LRRC20: variants seen among roughly 807,000 people sequenced by gnomAD.
The protein encoded by LRRC20 is leucine rich repeat containing 20.
In LRRC20, 11 loss-of-function variants were observed where a neutral mutation model predicts 14.4. That is an observed-to-expected ratio of 0.77 (90% CI 0.48 to 1.27). The LOEUF is 1.27. Ranked by LOEUF, LRRC20 falls within the 50% of genes most tolerant of loss-of-function variation. The probability of loss-of-function intolerance (pLI) is 0.00; values close to 1 mark genes in which losing one functional copy is unlikely to be tolerated. For missense variants in LRRC20, 219 were observed against 251.2 expected (o/e 0.87, Z 0.87); for synonymous variants, 121 against 107.3 (o/e 1.13, Z -0.79).
chr10:70,305,547 T>C (rs1841388333), intron 4 of LRRC20, among the ~76,000 whole-genome samples: 1 of 152,208 alleles, frequency 6.6e-6, no homozygotes, highest in South Asian at 2.1e-4. Flanking sequence ...ATGGGCCACG[T>C]TTTTATTCAA....
chr10:70,334,491 C>T (rs1354287867), intron 3 of LRRC20, among the ~76,000 whole-genome samples: 1 of 152,162 alleles, frequency 6.6e-6, no homozygotes. Flanking sequence ...CTTCCCAGAA[C>T]TCCAGAAAAT....
intron 2 of LRRC20, among the ~76,000 whole-genome samples, chr10:70,351,113 C>T (rs1230369397): frequency 6.6e-6 from 1 of 151,708 alleles, no homozygotes; most frequent in Non-Finnish European, 1.5e-5. Context: ...CCTAGGAAGT[C>T]AGGGCTGCAG....
intron 3 of LRRC20, among the ~76,000 whole-genome samples, chr10:70,329,857 G>A (rs186588877): frequency 1.0e-3 from 156 of 152,222 alleles, no homozygotes; most frequent in Middle Eastern, 6.8e-3. Context: ...GAGCCACCTC[G>A]CCCAGCCTAG....
chr10:70,331,049 C>A (rs557430375), intron 3 of LRRC20, among the ~76,000 whole-genome samples: 4 of 152,296 alleles, frequency 2.6e-5, no homozygotes, highest in African/African-American at 9.6e-5. Flanking sequence ...GGGTCCCCAT[C>A]CGTGAAGACG....
intron 2 of LRRC20, among the ~76,000 whole-genome samples, chr10:70,375,571 CAG>C (rs1189834031): frequency 1.3e-5 from 2 of 152,052 alleles, no homozygotes; most frequent in Non-Finnish European, 2.9e-5. Context: ...GACAGACAGA[CAG>C]ACACACACAC....
intron 3 of LRRC20, among the ~76,000 whole-genome samples, chr10:70,333,233 G>A (rs1842603801): frequency 6.6e-6 from 1 of 152,182 alleles, no homozygotes; most frequent in Non-Finnish European, 1.5e-5. Context: ...CGGTCCTGGT[G>A]TTCCAGGTGT....
intron 2 of LRRC20, among the ~76,000 whole-genome samples, chr10:70,346,215 C>T (rs1237691641): frequency 2.0e-5 from 3 of 151,994 alleles, no homozygotes; most frequent in South Asian, 4.2e-4. Flanking sequence ...CCAGCCTAGG[C>T]GACAGAATGA....
At chr10:70,329,037 A>G (rs542744606) in intron 3 of LRRC20, among the ~76,000 whole-genome samples, 4 of 152,350 alleles carry the variant, frequency 2.6e-5, no homozygotes, top group African/African-American at 9.6e-5. Flanking sequence ...GGTCAGTGCA[A>G]CTGTGACACA....
chr10:70,310,557 T>A (rs1841614886), intron 4 of LRRC20, among the ~76,000 whole-genome samples: 1 of 152,186 alleles, frequency 6.6e-6, no homozygotes, highest in Admixed American at 6.5e-5. Flanking sequence ...TCATGCACCA[T>A]GCCCTGCAAC....
chr10:70,329,561 CTTTTT>C (rs375932907), intron 3 of LRRC20, among the ~76,000 whole-genome samples: 17 of 124,906 alleles, frequency 1.4e-4, no homozygotes, highest in Admixed American at 7.4e-4. Context: ...CTTCTTTTGC[CTTTTT>C]TTTTTTTTTT....
At chr10:70,371,904 G>A (rs1362806382) in intron 2 of LRRC20, among the ~76,000 whole-genome samples, 2 of 152,084 alleles carry the variant, frequency 1.3e-5, no homozygotes, top group Non-Finnish European at 2.9e-5. Flanking sequence ...CCTGGCTCCA[G>A]CTCTAGCCAG....
chr10:70,304,505 T>TATATATATATATATA (rs1283512949), intron 4 of LRRC20, among the ~76,000 whole-genome samples: 2 of 128,716 alleles, frequency 1.6e-5, no homozygotes, highest in African/African-American at 6.1e-5. Flanking sequence ...TATATATATA[T>TATATATATATATATA]ATTTTACTAA....
chr10:70,315,660 C>T (rs1361678522), intron 4 of LRRC20, among the ~76,000 whole-genome samples: 2 of 151,994 alleles, frequency 1.3e-5, no homozygotes, highest in Admixed American at 6.6e-5. Context: ...TTTGGAGACG[C>T]CCCCCCACAG....
At chr10:70,382,445 G>GCC (rs1438647260) in intron 1 of LRRC20, 104 bp downstream of exon 1, 1 of 152,310 alleles carries the variant, frequency 6.6e-6, no homozygotes, top group Non-Finnish European at 1.5e-5. Context: ...AACACTTCTC[G>GCC]CCCTCTCTCC....
At chr10:70,364,970 G>C (rs1185075790) in intron 2 of LRRC20, among the ~76,000 whole-genome samples, 4 of 151,564 alleles carry the variant, frequency 2.6e-5, no homozygotes, top group Admixed American at 1.3e-4. Context: ...CAGTAAGCCA[G>C]TGATTCTCAA....
At chr10:70,313,409 G>A (rs1589945725) in intron 4 of LRRC20, among the ~76,000 whole-genome samples, 2 of 152,068 alleles carry the variant, frequency 1.3e-5, no homozygotes, top group Middle Eastern at 3.2e-3. Context: ...CACACCTGGG[G>A]CAGAAGGGTT....
At chr10:70,363,371 G>T (rs1045798182) in intron 2 of LRRC20, among the ~76,000 whole-genome samples, 1 of 152,004 alleles carries the variant, frequency 6.6e-6, no homozygotes, top group African/African-American at 2.4e-5. Context: ...TCTCTCCCTG[G>T]CCCCCCACCC....
chr10:70,353,011 G>A (rs1843374010), intron 2 of LRRC20, among the ~76,000 whole-genome samples: 1 of 152,142 alleles, frequency 6.6e-6, no homozygotes, highest in Non-Finnish European at 1.5e-5. Flanking sequence ...CTGCTCCCGT[G>A]AGAGGAGCAG....
At chr10:70,345,391 C>T (rs914006922) in intron 2 of LRRC20, among the ~76,000 whole-genome samples, 3 of 151,722 alleles carry the variant, frequency 2.0e-5, no homozygotes, top group East Asian at 1.9e-4. Context: ...AACATTTATA[C>T]AACCTCTTAA....
Sources: gnomAD v4.1 joint callset for allele counts (sites outside exome capture counted in the v4.1 genomes callset) on GRCh38, gnomAD v4.1.1 for gene constraint, MANE v1.5 for transcripts, NCBI Gene and HGNC (gene_info 2026-07-23, HGNC 2026-07-21) for gene names.